The following SMAP1 variants were observed in gnomAD, a reference collection of about 807,000 sequenced individuals.
SMAP1 encodes the protein small ArfGAP 1.
A neutral mutation model predicts 58.5 loss-of-function variants in SMAP1; 24 were observed. That is an observed-to-expected ratio of 0.41 (90% CI 0.30 to 0.58). SMAP1 has a LOEUF of 0.58. SMAP1 is among the 20% of genes least tolerant of loss of function. The probability of loss-of-function intolerance (pLI) is 0.29; values close to 1 mark genes in which losing one functional copy is unlikely to be tolerated. For synonymous variants in SMAP1, 216 were observed against 196.6 expected (o/e 1.10, Z -0.82); for missense variants, 563 against 566.3 (o/e 0.99, Z 0.06).
chr6:70,669,953 C>CTT (rs1201949621), intron 1 of SMAP1, among the ~76,000 whole-genome samples: 1 of 145,856 alleles, frequency 6.9e-6, no homozygotes. Flanking sequence ...ACCATGTTAA[C>CTT]TTTTTTTTTT....
At chr6:70,802,766 T>C (rs531188430) in intron 6 of SMAP1, among the ~76,000 whole-genome samples, 1 of 152,346 alleles carries the variant, frequency 6.6e-6, no homozygotes, top group Non-Finnish European at 1.5e-5. Context: ...GAGATAATCA[T>C]GTGGTTTTTG....
intron 1 of SMAP1, among the ~76,000 whole-genome samples, chr6:70,693,647 TG>T (rs1222162390): frequency 1.6e-4 from 25 of 152,198 alleles, no homozygotes; most frequent in African/African-American, 4.8e-4. Context: ...TAGATTGCTT[TG>T]GGTAGTGTGG....
At chr6:70,734,133 C>T (rs576627491) in intron 2 of SMAP1, among the ~76,000 whole-genome samples, 2 of 136,656 alleles carry the variant, frequency 1.5e-5, no homozygotes, top group Non-Finnish European at 3.2e-5. Context: ...GGCCCCCCTC[C>T]CCTGCTCTTC....
At chr6:70,804,707 C>T (rs1227403621) in intron 6 of SMAP1, among the ~76,000 whole-genome samples, 2 of 152,170 alleles carry the variant, frequency 1.3e-5, no homozygotes, top group Non-Finnish European at 2.9e-5. Context: ...GACAAAATCT[C>T]TCAGCATTTG....
intron 4 of SMAP1, among the ~76,000 whole-genome samples, chr6:70,776,299 C>T (rs1394016652): frequency 6.6e-6 from 1 of 152,188 alleles, no homozygotes; most frequent in Non-Finnish European, 1.5e-5. Context: ...TCTTCTGCCT[C>T]AGCCTCCCGA....
chr6:70,838,372 A>G (rs1360216314), intron 7 of SMAP1, among the ~76,000 whole-genome samples: 1 of 152,232 alleles, frequency 6.6e-6, no homozygotes, highest in Non-Finnish European at 1.5e-5. Flanking sequence ...GATCTGAAAG[A>G]GGACAGACTG....
At chr6:70,736,097 T>G (rs1765607330) in intron 2 of SMAP1, among the ~76,000 whole-genome samples, 1 of 152,186 alleles carries the variant, frequency 6.6e-6, no homozygotes, top group African/African-American at 2.4e-5. Flanking sequence ...TACCATATTT[T>G]TATCTGTTAT....
At chr6:70,730,907 C>A (rs1018798383) in intron 1 of SMAP1, among the ~76,000 whole-genome samples, 1 of 152,150 alleles carries the variant, frequency 6.6e-6, no homozygotes, top group African/African-American at 2.4e-5. Context: ...TCAAGTGATT[C>A]TCTTGCCTCA....
intron 3 of SMAP1, among the ~76,000 whole-genome samples, chr6:70,764,825 G>T (rs1766896775): frequency 6.6e-6 from 1 of 151,740 alleles, no homozygotes; most frequent in African/African-American, 2.4e-5. Context: ...TTTTTGACAG[G>T]GTCTCACTCC....
chr6:70,764,441 T>C (rs573174417), intron 3 of SMAP1, among the ~76,000 whole-genome samples: 2 of 152,230 alleles, frequency 1.3e-5, no homozygotes, highest in African/African-American at 4.8e-5. Flanking sequence ...ACAGGCTGAC[T>C]TTCTTGTTAG....
chr6:70,764,113 T>G (rs1194981318), intron 3 of SMAP1, among the ~76,000 whole-genome samples: 2 of 151,442 alleles, frequency 1.3e-5, no homozygotes, highest in African/African-American at 4.9e-5. Context: ...GGGCTTGCTA[T>G]ATTGCCCAGG....
intron 4 of SMAP1, among the ~76,000 whole-genome samples, chr6:70,775,333 GTTTCT>G (rs143599480): frequency 1.3e-3 from 199 of 152,076 alleles, no homozygotes; most frequent in Non-Finnish European, 1.2e-3. Flanking sequence ...TTTGTATTAT[GTTTCT>G]TTTCTTAGCA....
chr6:70,843,154 T>TCCC (rs374794193), intron 7 of SMAP1, among the ~76,000 whole-genome samples: 20 of 125,982 alleles, frequency 1.6e-4, no homozygotes, highest in Middle Eastern at 3.8e-3. Flanking sequence ...CCACACACAC[T>TCCC]CCCCCCCCCC....
Position 70,672,010 on chromosome 6 carries a change from C to G in SMAP1, c.118+3869C>G, listed in dbSNP as rs114589873. Among the ~76,000 whole-genome samples the G allele has an allele frequency of 3.0e-3, 453 of 152,238 alleles. 3 individuals carry two copies. The highest frequency in any genetic ancestry group is 0.01 in the African/African-American group (422 of 41,518). ...AACTCTAGAGATTGTTTTGTTTAGCCTGTCTGATATTGAGAGGGTAAGCTC... is the reference window on the plus strand; with the variant it reads ...AACTCTAGAGATTGTTTTGTTTAGCGTGTCTGATATTGAGAGGGTAAGCTC... On this transcript the variant is annotated intron_variant, in intron 1 of 10. Transcript: ENST00000370455.
At chr6:70,859,558 C>G (rs1398206683) in intron 10 of SMAP1, 11 of 537,922 alleles carry the variant, frequency 2.0e-5, no homozygotes, top group Admixed American at 1.1e-4. Context: ...AAGTTTTAAA[C>G]CCACTCACTA....
intron 3 of SMAP1, among the ~76,000 whole-genome samples, chr6:70,771,662 TC>T (rs1192251167): frequency 6.6e-6 from 1 of 152,128 alleles, no homozygotes; most frequent in Admixed American, 6.5e-5. Context: ...GTCACCCCTT[TC>T]TTTGACTAGG....
chr6:70,815,307 A>T (rs1405139032), intron 6 of SMAP1, among the ~76,000 whole-genome samples: 1 of 152,192 alleles, frequency 6.6e-6, no homozygotes, highest in African/African-American at 2.4e-5. Context: ...ATAAAATACA[A>T]TACATAAAAT....
chr6:70,791,698 T>C lies in SMAP1; in HGVS notation c.424T>C (p.Ser142Pro), dbSNP rs183157351. 2.0e-5 allele frequency: 32 copies of C among 1,612,964 alleles called. 1 individual carries two copies. In the East Asian group the frequency reaches 5.8e-4, roughly 29 times the overall value. The change falls in exon 5 of 11, where the codon TCT becomes CCT. Residue 142 changes from serine to proline, a missense_variant. By Grantham distance (74) the Ser-to-Pro change is moderately conservative (BLOSUM62 -1). Transcript: ENST00000370455. ...NAIAITNISSSDAPLQPLVSS... is the reference protein window; with the variant it reads ...NAIAITNISSPDAPLQPLVSS... ...CACCTGTACTCCACAGATTTCCTCC[T>C]CTGATGCTCCTCTTCAGCCTTTGGT...
chr6:70,841,744 T>C (rs1562197751), intron 7 of SMAP1, among the ~76,000 whole-genome samples: 2 of 152,198 alleles, frequency 1.3e-5, no homozygotes, highest in Admixed American at 6.5e-5. Flanking sequence ...CCCATTCATG[T>C]TTGTGTTCAG....
Sources: allele counts gnomAD v4.1 joint callset (sites outside exome capture counted in the v4.1 genomes callset), GRCh38; gene constraint gnomAD v4.1.1; transcripts MANE v1.5; gene names NCBI Gene and HGNC (gene_info 2026-07-23, HGNC 2026-07-21).